Variants in LMBR1 observed in about 807,000 individuals in gnomAD.
LMBR1 encodes the protein limb region 1 protein homolog.
In LMBR1, 52 loss-of-function variants were observed where a neutral mutation model predicts 73.9. The ratio of observed to expected loss-of-function variants is 0.70; its 90% CI spans 0.56 to 0.89. The LOEUF is 0.89. Ranked by LOEUF, LMBR1 falls within the 40% of genes least tolerant of loss-of-function variation. The pLI, the probability that LMBR1 is intolerant of heterozygous loss-of-function variation, is 0.00. For missense variants in LMBR1, 539 were observed against 579.8 expected (o/e 0.93, Z 0.72); for synonymous variants, 215 against 209.4 (o/e 1.03, Z -0.23).
chr7:156,868,526 T>C (rs1160928714), intron 1 of LMBR1, among the ~76,000 whole-genome samples: 9 of 151,350 alleles, frequency 5.9e-5, no homozygotes, highest in Admixed American at 5.9e-4. Context: ...ATACGAAAAT[T>C]AGTCAGGTGT....
chr7:156,842,996 A>G (rs1015237281), intron 1 of LMBR1, among the ~76,000 whole-genome samples: 1 of 152,274 alleles, frequency 6.6e-6, no homozygotes, highest in East Asian at 1.9e-4. Flanking sequence ...GCCACTCATC[A>G]AACTTCACAC....
rs1399365908 is a variant in LMBR1 at position 156,682,869 on chromosome 7, A to G, written c.*1209T>C. On this transcript the variant is annotated 3_prime_UTR_variant, in exon 17 of 17. Coordinates refer to ENST00000353442, the MANE Select transcript of LMBR1 (RefSeq NM_022458.4). Reference sequence around the variant, plus strand: ...ACTGCATAACTACGAATTGTGTGCAAATGGGCCCATCTCCTATTTTTGCAT... The same window carrying G: ...ACTGCATAACTACGAATTGTGTGCAGATGGGCCCATCTCCTATTTTTGCAT... 6.6e-6 allele frequency: 1 copy of G among 152,160 alleles called. No homozygotes were observed. Among genetic ancestry groups the G allele is most frequent in the East Asian group, 1.9e-4 (1 of 5,202 alleles). The allele number at this position is 152,160 out of a possible 1,614,324, so 9.4% of individuals were successfully genotyped here.
At chr7:156,752,609 A>T (rs1238007017) in intron 9 of LMBR1, among the ~76,000 whole-genome samples, 1 of 152,184 alleles carries the variant, frequency 6.6e-6, no homozygotes, top group Non-Finnish European at 1.5e-5. Flanking sequence ...CATGAAGGAA[A>T]AAGCTTGTGA....
chr7:156,724,487 G>A (rs1269052551), intron 14 of LMBR1, among the ~76,000 whole-genome samples: 1 of 152,082 alleles, frequency 6.6e-6, no homozygotes, highest in Non-Finnish European at 1.5e-5. Context: ...AAAAGGCTCT[G>A]CCTGTCAAGC....
intron 11 of LMBR1, 135 bp downstream of exon 11, chr7:156,728,509 C>A: frequency 3.5e-6 from 2 of 574,360 alleles, no homozygotes; most frequent in Non-Finnish European, 6.0e-6. Context: ...TAAATAAAGG[C>A]ATAGATGGAT....
intron 5 of LMBR1, 57 bp downstream of exon 5, chr7:156,796,332 T>G: frequency 8.9e-7 from 1 of 1,125,712 alleles, no homozygotes; most frequent in South Asian, 1.5e-5. Context: ...TAGTTCAATG[T>G]GAATGATATT....
chr7:156,874,694 T>G (rs940524800), intron 1 of LMBR1, among the ~76,000 whole-genome samples: 1 of 152,034 alleles, frequency 6.6e-6, no homozygotes, highest in African/African-American at 2.4e-5. Flanking sequence ...AAAAGAGAGA[T>G]AACAATCACT....
chr7:156,786,195 TAGGGA>T (rs1020218267), intron 5 of LMBR1, among the ~76,000 whole-genome samples: 11 of 72,884 alleles, frequency 1.5e-4, no homozygotes, highest in South Asian at 4.1e-4. Context: ...AGGAAGGAGG[TAGGGA>T]AGGGAAGGGA....
chr7:156,792,225 T>G (rs1160550950), intron 5 of LMBR1, among the ~76,000 whole-genome samples: 1 of 152,148 alleles, frequency 6.6e-6, no homozygotes, highest in Non-Finnish European at 1.5e-5. Flanking sequence ...CAGTGATGGC[T>G]GCCTTAAGAT....
At chr7:156,686,267 G>A (rs1042943925) in intron 16 of LMBR1, among the ~76,000 whole-genome samples, 6 of 151,984 alleles carry the variant, frequency 3.9e-5, no homozygotes, top group African/African-American at 9.7e-5. Context: ...AAACAATCCC[G>A]TCCATTACCA....
chr7:156,864,194 A>G (rs1339880104), intron 1 of LMBR1, among the ~76,000 whole-genome samples: 3 of 152,186 alleles, frequency 2.0e-5, no homozygotes, highest in Non-Finnish European at 4.4e-5. Flanking sequence ...GCTAGTGAAA[A>G]GAAAATCAAA....
intron 4 of LMBR1, among the ~76,000 whole-genome samples, chr7:156,807,228 G>A (rs1832297563): frequency 6.6e-6 from 1 of 152,102 alleles, no homozygotes; most frequent in Non-Finnish European, 1.5e-5. Flanking sequence ...TGGTATGAGG[G>A]TAATGCTGAC....
chr7:156,850,836 G>T (rs1405976072), intron 1 of LMBR1, among the ~76,000 whole-genome samples: 1 of 152,178 alleles, frequency 6.6e-6, no homozygotes, highest in Non-Finnish European at 1.5e-5. Context: ...TCATGTTGAA[G>T]CGTGATCCCC....
intron 15 of LMBR1, among the ~76,000 whole-genome samples, chr7:156,710,808 T>C (rs1811924026): frequency 6.6e-6 from 1 of 152,108 alleles, no homozygotes. Flanking sequence ...ATCTATCAGA[T>C]TAACCGTAAA....
chr7:156,699,573 A>G (rs1809151547), intron 15 of LMBR1, among the ~76,000 whole-genome samples: 1 of 151,982 alleles, frequency 6.6e-6, no homozygotes, highest in Non-Finnish European at 1.5e-5. Flanking sequence ...ATTAAACTAA[A>G]CAGCTTCTGC....
intron 4 of LMBR1, among the ~76,000 whole-genome samples, chr7:156,803,085 G>A (rs1440134575): frequency 6.6e-6 from 1 of 152,050 alleles, no homozygotes; most frequent in Non-Finnish European, 1.5e-5. Flanking sequence ...CAGGACATAG[G>A]CATGGGCAAG....
intron 1 of LMBR1, among the ~76,000 whole-genome samples, chr7:156,891,859 T>A (rs951088496): frequency 2.6e-5 from 4 of 152,262 alleles, no homozygotes; most frequent in African/African-American, 4.8e-5. Flanking sequence ...GTCCTCTTTA[T>A]TCAAAGTATG....
intron 4 of LMBR1, among the ~76,000 whole-genome samples, chr7:156,825,122 A>G (rs1413120519): frequency 3.3e-5 from 4 of 119,490 alleles, no homozygotes; most frequent in Non-Finnish European, 7.0e-5. Context: ...TCTCTGATAT[A>G]TATTTAAGTC....
chr7:156,876,831 G>C (rs1232241565), intron 1 of LMBR1, among the ~76,000 whole-genome samples: 4 of 152,074 alleles, frequency 2.6e-5, no homozygotes, highest in African/African-American at 9.7e-5. Flanking sequence ...GGTGCTAAGA[G>C]GAAAGTTCAT....
Sources: gnomAD v4.1 joint callset for allele counts (sites outside exome capture counted in the v4.1 genomes callset) on GRCh38, gnomAD v4.1.1 for gene constraint, MANE v1.5 for transcripts, NCBI Gene and HGNC (gene_info 2026-07-23, HGNC 2026-07-21) for gene names.